The following CDC25C variants were observed in gnomAD, a reference collection of about 807,000 sequenced individuals.
CDC25C encodes the protein M-phase inducer phosphatase 3.
In CDC25C, 48 loss-of-function variants were observed where a neutral mutation model predicts 52.5. The observed-to-expected ratio is 0.91, with a 90% CI of 0.72 to 1.16. CDC25C has a LOEUF of 1.16. Among genes scored for constraint, CDC25C ranks in the 50% most tolerant of loss-of-function variants. The pLI is 0.00. For synonymous variants in CDC25C, 187 were observed against 206.5 expected (o/e 0.91, Z 0.81); for missense variants, 510 against 566.1 (o/e 0.90, Z 1.01).
chr5:138,330,270 A>C (rs1229567878), intron 2 of CDC25C, among the ~76,000 whole-genome samples: 1 of 151,954 alleles, frequency 6.6e-6, no homozygotes, highest in Non-Finnish European at 1.5e-5. Context: ...GGTCCTGAGC[A>C]CTATGAACAC....
At chr5:138,337,110 T>C (rs1256054152) in intron 1 of CDC25C, 2 of 152,198 alleles carry the variant, frequency 1.3e-5, no homozygotes, top group Non-Finnish European at 2.9e-5. Context: ...TAGAAAACTT[T>C]GTATTACAAA....
intron 7 of CDC25C, among the ~76,000 whole-genome samples, chr5:138,314,159 C>A (rs184026377): frequency 1.1e-3 from 163 of 151,852 alleles, no homozygotes; most frequent in Non-Finnish European, 2.2e-3. Context: ...CCATGCCCAG[C>A]TAAATTTTTG....
At chr5:138,326,805 A>T (rs1317658597) in intron 4 of CDC25C, among the ~76,000 whole-genome samples, 2 of 152,002 alleles carry the variant, frequency 1.3e-5, no homozygotes, top group Admixed American at 6.5e-5. Flanking sequence ...ATACAAAATT[A>T]GCCAGGCATG....
At chr5:138,289,657 T>C in intron 9 of CDC25C, 94 bp from the exon 10 acceptor site, 1 of 1,004,520 alleles carries the variant, frequency 1.0e-6, no homozygotes, top group East Asian at 2.4e-5. Flanking sequence ...CAAGTGACCC[T>C]TAAAACCCCA....
Position 138,307,739 on chromosome 5 carries a change from A to G in CDC25C, c.615+11480T>C, listed in dbSNP as rs568943164. Among the ~76,000 whole-genome samples the G allele has an allele frequency of 2.6e-5, 4 of 152,282 alleles. No individual in the cohort carries two copies. In the South Asian group the frequency reaches 6.2e-4, roughly 24 times the overall value. On this transcript the variant is annotated intron_variant, in intron 7 of 13. Coordinates refer to ENST00000323760, the MANE Select transcript of CDC25C (RefSeq NM_001790.5). The stretch of plus-strand genomic sequence containing the variant: ...TCAAGAGTTTGAGATCAGCCTGGAC[A>G]ATATAGAAGACCCTGTCTCTTAAAA...
Position 138,325,850 on chromosome 5 carries a change from CT to C in CDC25C, c.423del (p.Asp142MetfsTer22). The C allele has an allele frequency of 6.2e-7, 1 of 1,614,066 alleles. No individual in the cohort carries two copies. The highest frequency in any genetic ancestry group is 8.5e-7 in the Non-Finnish European group (1 of 1,179,896). On this transcript the variant is annotated frameshift_variant, in exon 6 of 14. Coordinates refer to ENST00000323760, the MANE Select transcript of CDC25C (RefSeq NM_001790.5). LOFTEE classifies it high-confidence loss of function. ...TTTGCAGATGAACTACACATTGCAT[CT>C]CTCTTTCTATGGCCACGGTCCAAAC... Reference protein sequence around the residue: ...PNGLDRGHRKRDAMCSSSANK... With the variant: ...PNGLDRGHRKXDAMCSSSANK...
intron 10 of CDC25C, 38 bp from the exon 11 acceptor site, chr5:138,287,305 C>A: frequency 1.4e-6 from 2 of 1,426,012 alleles, no homozygotes; most frequent in Non-Finnish European, 2.0e-6. Context: ...TGCTCACTGC[C>A]ACTCTGAGGG....
intron 9 of CDC25C, 104 bp downstream of exon 9, chr5:138,290,535 T>C (rs1756619640): frequency 5.7e-6 from 4 of 703,140 alleles, no homozygotes; most frequent in Non-Finnish European, 1.0e-5. Context: ...TACCAAAGAG[T>C]ACTTGGTGAG....
intron 7 of CDC25C, among the ~76,000 whole-genome samples, chr5:138,301,752 G>A (rs1459538015): frequency 7.1e-6 from 1 of 141,788 alleles, no homozygotes; most frequent in Non-Finnish European, 1.5e-5. Context: ...CACCCAGGCT[G>A]GAGTGCAGTG....
chr5:138,308,820 G>C (rs1379367464), intron 7 of CDC25C, among the ~76,000 whole-genome samples: 1 of 152,030 alleles, frequency 6.6e-6, no homozygotes, highest in Non-Finnish European at 1.5e-5. Context: ...CTAAAAACAG[G>C]CTCTGGGGTC....
chr5:138,295,943 A>C (rs1019483955), intron 7 of CDC25C, among the ~76,000 whole-genome samples: 1 of 152,210 alleles, frequency 6.6e-6, no homozygotes, highest in African/African-American at 2.4e-5. Flanking sequence ...TTCAACCTGC[A>C]GATTCTATTA....
At chr5:138,325,026 C>T (rs1759743175) in intron 6 of CDC25C, among the ~76,000 whole-genome samples, 1 of 152,176 alleles carries the variant, frequency 6.6e-6, no homozygotes, top group Admixed American at 6.5e-5. Context: ...GCTGAGATTG[C>T]ACCACTGCAC....
chr5:138,286,778 C>T, intron 11 of CDC25C, 148 bp from the exon 12 acceptor site: 1 of 653,302 alleles, frequency 1.5e-6, no homozygotes, highest in South Asian at 2.2e-5. Context: ...AAGTATATCT[C>T]TGTATATACC....
chr5:138,331,755 CAG>C lies in CDC25C; in HGVS notation c.-201_-200del, dbSNP rs1491035157. On this transcript the variant is annotated 5_prime_UTR_variant, in exon 1 of 14. Coordinates refer to ENST00000323760, the MANE Select transcript of CDC25C (RefSeq NM_001790.5). ...CGACTGGGTAGGCCAACGTCGGACT[CAG>C]AGTCTTCCCTGAGCAGAAGGCCAAA... 3 of 988,286 alleles carry C rather than the reference CAG, an allele frequency of 3.0e-6. No homozygotes were observed. Among genetic ancestry groups the C allele is most frequent in the South Asian group, 4.6e-5 (1 of 21,692 alleles). The allele number at this position is 988,286 out of a possible 1,614,324, so 61.2% of individuals were successfully genotyped here.
intron 7 of CDC25C, among the ~76,000 whole-genome samples, chr5:138,304,513 T>C (rs1317853767): frequency 1.3e-5 from 2 of 150,818 alleles, no homozygotes; most frequent in East Asian, 1.9e-4. Context: ...TTTTTTTTTT[T>C]TCTCCTTTTT....
At chr5:138,327,388 T>TG (rs971872014) in intron 4 of CDC25C, among the ~76,000 whole-genome samples, 7 of 8,894 alleles carry the variant, frequency 7.9e-4, no homozygotes, top group African/African-American at 3.1e-3. Context: ...GGCCAAGGGG[T>TG]GGGTGGGGGT....
intron 1 of CDC25C, 91 bp from the exon 2 acceptor site, chr5:138,331,309 T>C (rs1760367272): frequency 2.2e-6 from 2 of 921,138 alleles, no homozygotes; most frequent in Non-Finnish European, 3.3e-6. Context: ...GAATCAACAC[T>C]GGAAGAGGGG....
At position 138,324,895 on chromosome 5, in the gene CDC25C, C is replaced by G. The variant is rs185437860; in HGVS notation, c.459+920G>C. The stretch of plus-strand genomic sequence containing the variant: ...ACCAGCTTGGCCAATAAGACAAAAC[C>G]CCGTCTCTACTAAAAACACAAAAAT... On this transcript the variant is annotated intron_variant, in intron 6 of 13. Coordinates refer to ENST00000323760, the MANE Select transcript of CDC25C (RefSeq NM_001790.5). 4.3e-3 allele frequency among the ~76,000 whole-genome samples: 647 copies of G among 152,188 alleles called. 2 individuals carry two copies. The highest frequency in any genetic ancestry group is 0.015 in the African/African-American group (621 of 41,512).
At chr5:138,293,277 A>G (rs1345854442) in intron 7 of CDC25C, among the ~76,000 whole-genome samples, 2 of 152,182 alleles carry the variant, frequency 1.3e-5, no homozygotes, top group African/African-American at 4.8e-5. Context: ...TAGAATAAGC[A>G]AAAATAATCT....
Sources: allele counts gnomAD v4.1 joint callset (sites outside exome capture counted in the v4.1 genomes callset), GRCh38; gene constraint gnomAD v4.1.1; transcripts MANE v1.5; gene names NCBI Gene and HGNC (gene_info 2026-07-23, HGNC 2026-07-21).